The following C10orf71 variants were observed in gnomAD, a reference collection of about 807,000 sequenced individuals.
C10orf71 encodes the protein chromosome 10 open reading frame 71, also known as cardiac-enriched FHL2-interacting protein.
For synonymous variants in C10orf71, 758 were observed against 726.3 expected, an observed-to-expected ratio of 1.04 and a Z score of -0.70; for missense variants, 1,869 against 1,804.5, an observed-to-expected ratio of 1.04 and a Z score of -0.65.
chr10:49,326,385 G>T lies in C10orf71; in HGVS notation c.3840G>T (p.Pro1280=), dbSNP rs751561995. 1.3e-6 allele frequency: 2 copies of T among 1,550,494 alleles called. No homozygotes were observed. The highest frequency in any genetic ancestry group is 1.7e-4 in the Middle Eastern group (1 of 5,992). Residue 1280 remains proline (P), a synonymous_variant, in exon 3 of 3, where the codon CCG becomes CCT. Coordinates refer to ENST00000374144, the MANE Select transcript of C10orf71 (RefSeq NM_001135196.2). ...YPATQKVLQD[P]QSGEYFVFDL... is the part of the protein sequence containing the mutation. The stretch of plus-strand genomic sequence containing the variant: ...CCACCCAGAAGGTCCTCCAGGATCC[G>T]CAGTCCGGGGAGTACTTTGTCTTCG...
At position 49,324,159 on chromosome 10, in the gene C10orf71, G is replaced by A. The variant is rs143544986; in HGVS notation, c.1614G>A (p.Val538=). 1.3e-4 allele frequency: 211 copies of A among 1,613,938 alleles called. No homozygotes were observed. The African/African-American group carries it at 2.2e-3, about 17-fold the overall frequency. Residue 538 remains valine (V), a synonymous_variant, in exon 3 of 3, where the codon GTG becomes GTA. Transcript: ENST00000374144. The part of the protein sequence containing the change: ...RGKVDGKQEP[V]SNGVILPNGL... ...AGGTTGATGGAAAGCAAGAACCTGTGAGCAACGGTGTCATCCTCCCCAATG... is the reference window on the plus strand; with the variant it reads ...AGGTTGATGGAAAGCAAGAACCTGTAAGCAACGGTGTCATCCTCCCCAATG...
chr10:49,322,860 C>CT lies in C10orf71; in HGVS notation c.315_316insT (p.Val106CysfsTer33). 4.3e-6 allele frequency: 7 copies of CT among 1,613,964 alleles called. No individual in the cohort carries two copies. Among genetic ancestry groups the CT allele is most frequent in the Non-Finnish European group, 5.1e-6 (6 of 1,179,890 alleles). On this transcript the variant is annotated frameshift_variant, in exon 3 of 3. Coordinates refer to ENST00000374144, the MANE Select transcript of C10orf71 (RefSeq NM_001135196.2). LOFTEE classifies it low-confidence loss of function (END_TRUNC). ...CCACCTTCCAACAGCTACCCAAGTA[C>CT]GTTCAGGGAGAGGAAAAGTACCCCA...
At chr10:49,304,789 A>T (rs955141703) in intron 1 of C10orf71, among the ~76,000 whole-genome samples, 2 of 152,200 alleles carry the variant, frequency 1.3e-5, no homozygotes, top group Admixed American at 6.5e-5. Flanking sequence ...CCCAGCAAAA[A>T]CAAATGTCTC....
At chr10:49,299,069 C>T (rs1848679541), upstream of C10orf71, 1 of 152,224 alleles carries the variant, frequency 6.6e-6, no homozygotes, top group Admixed American at 6.5e-5. Context: ...TCTCACTCCC[C>T]AAGTGATCTG....
intron 1 of C10orf71, among the ~76,000 whole-genome samples, chr10:49,302,752 T>C (rs1848750686): frequency 6.6e-6 from 1 of 152,118 alleles, no homozygotes; most frequent in South Asian, 2.1e-4. Flanking sequence ...GAAAGCTGAG[T>C]ATGCCTAGAG....
rs909913986 is a variant in C10orf71 at position 49,325,728 on chromosome 10, C to G, written c.3183C>G (p.Ser1061=). The change falls in exon 3 of 3, where the codon TCC becomes TCG. Residue 1061 remains serine (S), a synonymous_variant. Coordinates refer to ENST00000374144, the MANE Select transcript of C10orf71 (RefSeq NM_001135196.2). ...GGGCGAATTCCCCCAACCCCGGCTC[C>G]CCCGGGGAGAGCAGTGCCTGCTCCC... ...SERANSPNPG[S]PGESSACSPA... The G allele has an allele frequency of 2.6e-6, 4 of 1,551,408 alleles. No individual in the cohort carries two copies. The highest frequency in any genetic ancestry group is 3.9e-5 in the Admixed American group (2 of 50,978).
chr10:49,309,988 G>A (rs1250519424), intron 1 of C10orf71, among the ~76,000 whole-genome samples: 3 of 152,174 alleles, frequency 2.0e-5, no homozygotes, highest in Non-Finnish European at 4.4e-5. Context: ...AAGATCTTGG[G>A]CTCAAAAACC....
In C10orf71 at chr10:49,324,534, G is replaced by A. The variant is rs767351101; in HGVS notation, c.1989G>A (p.Met663Ile). 3 of 1,613,276 alleles carry A rather than the reference G, an allele frequency of 1.9e-6. No homozygotes were observed. In the Admixed American group the frequency reaches 5.0e-5, roughly 27 times the overall value. The change falls in exon 3 of 3, where the codon ATG becomes ATA. Residue 663 changes from methionine (M) to isoleucine (I), a missense_variant. Coordinates refer to ENST00000374144, the MANE Select transcript of C10orf71 (RefSeq NM_001135196.2). The part of the protein sequence containing the change: ...DPEPGGATEK[M>I]KTHQLENGLS... The stretch of plus-strand genomic sequence containing the variant: ...AGCCTGGAGGGGCTACAGAGAAAAT[G>A]AAGACCCACCAGCTAGAGAATGGGC...
At chr10:49,322,202 A>G (rs1849105051) in intron 2 of C10orf71, among the ~76,000 whole-genome samples, 200 bp from the exon 3 acceptor site, 2 of 152,190 alleles carry the variant, frequency 1.3e-5, no homozygotes, top group East Asian at 1.9e-4. Context: ...CTTAAAGTCT[A>G]CTGATTTTAG....
At position 49,325,870 on chromosome 10, in the gene C10orf71, C is replaced by T; in HGVS notation, c.3325C>T (p.Arg1109Trp). Residue 1109 changes from arginine to tryptophan, a missense_variant, in exon 3 of 3, where the codon CGG (arginine) becomes TGG (tryptophan). Arg to Trp is a moderately radical substitution (Grantham distance 101). Coordinates refer to ENST00000374144, the MANE Select transcript of C10orf71 (RefSeq NM_001135196.2). Reference sequence around the variant, plus strand: ...CAGCTCCAGTCCTGCCAGGGTCACCCGGAGGGAGGACCTGACCCACGCCCT... The same window carrying T: ...CAGCTCCAGTCCTGCCAGGGTCACCTGGAGGGAGGACCTGACCCACGCCCT... ...WASSSPARVT[R>W]REDLTHALVW... 6.5e-7 allele frequency: 1 copy of T among 1,550,236 alleles called. No individual in the cohort carries two copies. The highest frequency in any genetic ancestry group is 8.7e-7 in the Non-Finnish European group (1 of 1,145,960).
chr10:49,320,606 C>A lies in C10orf71; in HGVS notation c.-144-1796C>A, dbSNP rs144678217. 2.6e-5 allele frequency among the ~76,000 whole-genome samples: 4 copies of A among 152,304 alleles called. No individual in the cohort carries two copies. In the East Asian group the frequency reaches 7.7e-4, roughly 29 times the overall value. ...AACCATGCACAGTGAGAGAGATGAG[C>A]AAGGAGGGAACACCCATGGAATATC... On this transcript the variant is annotated intron_variant, in intron 2 of 2. Transcript: ENST00000374144.
chr10:49,323,418 G>C lies in C10orf71; in HGVS notation c.873G>C (p.Lys291Asn). The change falls in exon 3 of 3, where the codon AAG becomes AAC. Residue 291 changes from lysine (K) to asparagine (N), a missense_variant. Lys to Asn is a moderately conservative substitution (Grantham distance 94). Coordinates refer to ENST00000374144, the MANE Select transcript of C10orf71 (RefSeq NM_001135196.2). ...ACCAACCAAAGCTGCTGGAGAGAAAGGACACAGCTGGAACCGTCCCAGAAA... is the reference window on the plus strand; with the variant it reads ...ACCAACCAAAGCTGCTGGAGAGAAACGACACAGCTGGAACCGTCCCAGAAA... ...NAHQPKLLER[K>N]DTAGTVPESK... 4 of 1,613,984 alleles carry C rather than the reference G, an allele frequency of 2.5e-6. No individual in the cohort carries two copies. Among genetic ancestry groups the C allele is most frequent in the Non-Finnish European group, 3.4e-6 (4 of 1,179,886 alleles).
rs1027286987 is a variant in C10orf71, at chr10:49,325,047, C to A, written c.2502C>A (p.Thr834=). 5.2e-6 allele frequency: 8 copies of A among 1,551,650 alleles called. No individual in the cohort carries two copies. Among genetic ancestry groups the A allele is most frequent in the Admixed American group, 3.9e-5 (2 of 50,984 alleles). The change falls in exon 3 of 3, where the codon ACC becomes ACA. Residue 834 remains threonine (T), a synonymous_variant. Transcript: ENST00000374144. ...GGATTGGGGAAAATAAGGGCACAAC[C>A]TTTTCACAGGCCAAAGACCTTACTC... is the stretch of plus-strand genomic sequence containing the variant. ...GSWIGENKGT[T]FSQAKDLTPS...
chr10:49,300,177 A>T (rs1382388960), intron 1 of C10orf71, among the ~76,000 whole-genome samples: 1 of 152,172 alleles, frequency 6.6e-6, no homozygotes, highest in Non-Finnish European at 1.5e-5. Flanking sequence ...GATTAAACAG[A>T]TGTGTGTAGT....
At chr10:49,316,697 G>A (rs1186708066) in intron 2 of C10orf71, among the ~76,000 whole-genome samples, 1 of 152,202 alleles carries the variant, frequency 6.6e-6, no homozygotes, top group Non-Finnish European at 1.5e-5. Context: ...ATGTCCCAGA[G>A]CGTAGTGAAA....
chr10:49,302,905 A>C (rs1217438081), intron 1 of C10orf71, among the ~76,000 whole-genome samples: 1 of 152,106 alleles, frequency 6.6e-6, no homozygotes, highest in Non-Finnish European at 1.5e-5. Context: ...CAGCCCTGTC[A>C]CTTCTCAGCA....
Position 49,322,811 on chromosome 10 carries a change from G to A in C10orf71, c.266G>A (p.Gly89Asp). Residue 89 changes from glycine (G) to aspartate (D), a missense_variant, in exon 3 of 3, where the codon GGC (glycine) becomes GAC (aspartate). Coordinates refer to ENST00000374144, the MANE Select transcript of C10orf71 (RefSeq NM_001135196.2). ...ATTTGGAGCCAGTTACCGTCACAGG[G>A]CACGGAACATTCGGGCTGGGCGGCC... ...SGIWSQLPSQ[G>D]TEHSGWAATF... 1.9e-6 allele frequency: 3 copies of A among 1,613,884 alleles called. No individual in the cohort carries two copies. Among genetic ancestry groups the A allele is most frequent in the Non-Finnish European group, 2.5e-6 (3 of 1,179,848 alleles).
At chr10:49,319,682 C>A (rs1170439964) in intron 2 of C10orf71, among the ~76,000 whole-genome samples, 17 of 117,794 alleles carry the variant, frequency 1.4e-4, no homozygotes, top group South Asian at 5.4e-4. Context: ...CACACACAAG[C>A]TATATATATA....
chr10:49,305,793 G>A (rs1848802788), intron 1 of C10orf71, among the ~76,000 whole-genome samples: 2 of 152,134 alleles, frequency 1.3e-5, no homozygotes, highest in Non-Finnish European at 2.9e-5. Flanking sequence ...CCGTAAGTTG[G>A]GCATAATTAG....
Sources: gnomAD v4.1 joint callset for allele counts (sites outside exome capture counted in the v4.1 genomes callset) on GRCh38, gnomAD v4.1.1 for gene constraint, MANE v1.5 for transcripts, NCBI Gene and HGNC (gene_info 2026-07-23, HGNC 2026-07-21) for gene names.